Variants in LGALS9 observed in about 807,000 individuals in gnomAD.
The protein encoded by LGALS9 is galectin 9.
LGALS9 carries 26 observed loss-of-function variants against 35.9 expected under a neutral mutation model. The observed-to-expected ratio is 0.72, with a 90% CI of 0.53 to 1.01. The LOEUF is 1.01. Ranked by LOEUF, LGALS9 falls within the 50% of genes least tolerant of loss-of-function variation. The pLI, the probability that LGALS9 is intolerant of heterozygous loss-of-function variation, is 0.00. For missense variants in LGALS9, 347 were observed against 445.8 expected (o/e 0.78, Z 1.99); for synonymous variants, 149 against 172.2 (o/e 0.87, Z 1.06).
At chr17:27,640,375 G>T in intron 2 of LGALS9, 197 bp from the exon 3 acceptor site, 1 of 831,828 alleles carries the variant, frequency 1.2e-6, no homozygotes, top group Non-Finnish European at 1.9e-6. Flanking sequence ...TGCTGTAAAG[G>T]CAAAATCCAA....
Position 27,640,744 on chromosome 17 carries a change from T to A in LGALS9, c.304T>A (p.Cys102Ser). The A allele has an allele frequency of 6.2e-7, 1 of 1,614,190 alleles. No homozygotes were observed. The highest frequency in any genetic ancestry group is 8.5e-7 in the Non-Finnish European group (1 of 1,180,002). The change falls in exon 3 of 11, where the codon TGC (cysteine) becomes AGC (serine). Residue 102 changes from cysteine (C) to serine (S), a missense_variant. Cys to Ser is a moderately radical substitution (Grantham distance 112, BLOSUM62 -1). Coordinates refer to ENST00000395473, the MANE Select transcript of LGALS9 (RefSeq NM_009587.3). The part of the protein sequence containing the change: ...PFQKGMPFDL[C>S]FLVQSSDFKV... ...CCAGAAGGGGATGCCCTTTGACCTC[T>A]GCTTCCTGGTGCAGAGCTCAGATTT...
Position 27,642,042 on chromosome 17 carries a change from G to C in LGALS9, c.334-196G>C, listed in dbSNP as rs530228645. 2.0e-5 allele frequency among the ~76,000 whole-genome samples: 3 copies of C among 152,220 alleles called. No individual in the cohort carries two copies. In the South Asian group the frequency reaches 6.2e-4, roughly 32 times the overall value. On this transcript the variant is annotated intron_variant, in intron 3 of 10. Transcript: ENST00000395473. ...AACCTACTGCAGGAAACAACCAGAA[G>C]AACGAAAAGTCCAACTGGAGCCTGG...
At position 27,644,941 on chromosome 17, in the gene LGALS9, G is replaced by A. The variant is rs139885855; in HGVS notation, c.541-373G>A. The stretch of plus-strand genomic sequence containing the variant: ...GCTTCCCTTGTTGGAAAGCACTGAA[G>A]CCCAGGAATCGACCCACAATAGGCC... On this transcript the variant is annotated intron_variant, in intron 5 of 10. Coordinates refer to ENST00000395473, the MANE Select transcript of LGALS9 (RefSeq NM_009587.3). 1,342 of 215,368 alleles carry A rather than the reference G, an allele frequency of 6.2e-3. 11 individuals are homozygous for A. Among genetic ancestry groups the A allele is most frequent in the Admixed American group, 0.027 (471 of 17,476 alleles). The allele number at this position is 215,368 out of a possible 1,614,324, so 13.3% of individuals were successfully genotyped here.
chr17:27,636,559 T>G (rs190276035), intron 1 of LGALS9, among the ~76,000 whole-genome samples: 4 of 152,088 alleles, frequency 2.6e-5, no homozygotes, highest in Non-Finnish European at 4.4e-5. Flanking sequence ...AGCCTCCACC[T>G]CCCAGGCTCA....
Position 27,643,723 on chromosome 17 carries a change from C to T in LGALS9, c.540+103C>T, listed in dbSNP as rs539540628. The T allele has an allele frequency of 6.8e-6, 10 of 1,460,850 alleles. No homozygotes were observed. The Admixed American group carries it at 1.3e-4, about 20-fold the overall frequency. 90.5% of individuals were successfully genotyped at this position (1,460,850 alleles called of 1,614,324 possible). A position where few individuals can be genotyped will look rare whatever the true frequency, so the allele number is the denominator to read the frequency against. ...AGCAGGCCACTCAGGGCCTACAGGC[C>T]GCATCTTGCCCACCCAAGAGTTCCC... On this transcript the variant is annotated intron_variant, in intron 5 of 10. Coordinates refer to ENST00000395473, the MANE Select transcript of LGALS9 (RefSeq NM_009587.3).
Position 27,647,436 on chromosome 17 carries a change from AG to A in LGALS9, c.921+6del. The A allele has an allele frequency of 1.9e-6, 3 of 1,614,136 alleles. No homozygotes were observed. Among genetic ancestry groups the A allele is most frequent in the Non-Finnish European group, 2.5e-6 (3 of 1,180,004 alleles). ...CGTCCGTGGCCAGAGCTTCTCAGTA[AG>A]GCACCGCAGTCTGGAGCTTGGAGAG... On this transcript the variant is annotated splice_donor_5th_base_variant and intron_variant, in intron 10 of 10. Coordinates refer to ENST00000395473, the MANE Select transcript of LGALS9 (RefSeq NM_009587.3).
intron 3 of LGALS9, among the ~76,000 whole-genome samples, chr17:27,641,746 G>A (rs1208407480): frequency 6.6e-6 from 1 of 152,046 alleles, no homozygotes; most frequent in Non-Finnish European, 1.5e-5. Context: ...GGCTGAGGAG[G>A]GCGGATCGCT....
chr17:27,645,439 T>C lies in LGALS9; in HGVS notation c.576+90T>C, dbSNP rs1216679579. On this transcript the variant is annotated intron_variant, in intron 6 of 10. Coordinates refer to ENST00000395473, the MANE Select transcript of LGALS9 (RefSeq NM_009587.3). Reference sequence around the variant, plus strand: ...AGGGCCAGGCATTGGGCCTCTCCCATTGGGAGTGGGGAGGGCACAGACCAG... The same window carrying C: ...AGGGCCAGGCATTGGGCCTCTCCCACTGGGAGTGGGGAGGGCACAGACCAG... 68 of 1,514,054 alleles carry C rather than the reference T, an allele frequency of 4.5e-5. 1 individual carries two copies. Among genetic ancestry groups the C allele is most frequent in the Middle Eastern group, 3.6e-4 (2 of 5,600 alleles). 93.8% of individuals were successfully genotyped at this position (1,514,054 alleles called of 1,614,324 possible). A position where few individuals can be genotyped will look rare whatever the true frequency, so the allele number is the denominator to read the frequency against.
At chr17:27,637,146 G>T (rs2074461028) in intron 1 of LGALS9, among the ~76,000 whole-genome samples, 1 of 152,120 alleles carries the variant, frequency 6.6e-6, no homozygotes, top group South Asian at 2.1e-4. Flanking sequence ...GCGGGTTATA[G>T]AACGACATTG....
rs530352223 is a variant in LGALS9 at position 27,636,604 on chromosome 17, G to C, written c.40-1659G>C. ...CCCACCTCAGCCTCCCAAGTAACTA[G>C]AGTTAAAGGTGTGCACCACCACACC... On this transcript the variant is annotated intron_variant, in intron 1 of 10. Coordinates refer to ENST00000395473, the MANE Select transcript of LGALS9 (RefSeq NM_009587.3). 2.0e-5 allele frequency among the ~76,000 whole-genome samples: 3 copies of C among 152,110 alleles called. No homozygotes were observed. The East Asian group carries it at 5.8e-4, about 29-fold the overall frequency.
chr17:27,646,824 A>C (rs1904985858), intron 8 of LGALS9, among the ~76,000 whole-genome samples: 1 of 152,138 alleles, frequency 6.6e-6, no homozygotes, highest in African/African-American at 2.4e-5. Context: ...CCACGAAACG[A>C]GTCTTTTTGT....
At chr17:27,643,741 G>T in intron 5 of LGALS9, 121 bp downstream of exon 5, 2 of 1,432,860 alleles carry the variant, frequency 1.4e-6, no homozygotes, top group Admixed American at 5.6e-5. Flanking sequence ...GCCCACCCAA[G>T]AGTTCCCTGT....
chr17:27,639,803 C>T (rs1451375413), intron 2 of LGALS9, among the ~76,000 whole-genome samples: 1 of 152,172 alleles, frequency 6.6e-6, no homozygotes, highest in Non-Finnish European at 1.5e-5. Context: ...GTGGCGCTAT[C>T]TGGGCTCACT....
chr17:27,646,047 G>T (rs1435613724), intron 7 of LGALS9, 136 bp downstream of exon 7: 70 of 731,582 alleles, frequency 9.6e-5, no homozygotes, highest in Non-Finnish European at 1.4e-4. Context: ...TGAGTGCTTG[G>T]CTCAGGTGAC....
chr17:27,645,990 A>G, intron 7 of LGALS9, 79 bp downstream of exon 7: 1 of 1,605,118 alleles, frequency 6.2e-7, no homozygotes. Flanking sequence ...AGAGCCCTAG[A>G]GTCGGGAAGA....
intron 3 of LGALS9, chr17:27,641,095 C>T (rs1904458685): frequency 1.9e-6 from 1 of 525,178 alleles, no homozygotes; most frequent in Admixed American, 2.5e-5. Flanking sequence ...CTCTCCAGGT[C>T]ACTGGTAACA....
At chr17:27,639,026 GCTGCCTGCTGAACT>G (rs1376709403) in intron 2 of LGALS9, among the ~76,000 whole-genome samples, 16 of 152,134 alleles carry the variant, frequency 1.1e-4, no homozygotes, top group African/African-American at 3.9e-4. Flanking sequence ...ACCATGGGTG[GCTGCCTGCTGAACT>G]CTGCGGGGCC....
Position 27,640,694 on chromosome 17 carries a change from A to C in LGALS9, c.254A>C (p.Glu85Ala). 2.5e-6 allele frequency: 4 copies of C among 1,614,232 alleles called. No homozygotes were observed. The highest frequency in any genetic ancestry group is 3.4e-6 in the Non-Finnish European group (4 of 1,180,044). ...AGGCAGAACGGAAGCTGGGGGCCCG[A>C]GGAGAGGAAGACACACATGCCTTTC... Reference protein sequence around the residue: ...NTRQNGSWGPEERKTHMPFQK... With the variant: ...NTRQNGSWGPAERKTHMPFQK... Residue 85 changes from glutamate (E) to alanine (A), a missense_variant, in exon 3 of 11, where the codon GAG becomes GCG. Coordinates refer to ENST00000395473, the MANE Select transcript of LGALS9 (RefSeq NM_009587.3).
intron 1 of LGALS9, among the ~76,000 whole-genome samples, chr17:27,636,777 G>A (rs1039737279): frequency 6.6e-6 from 1 of 151,962 alleles, no homozygotes; most frequent in African/African-American, 2.4e-5. Flanking sequence ...CCAGCCAGGA[G>A]CTTTTACATA....
Sources: gnomAD v4.1 joint callset for allele counts (sites outside exome capture counted in the v4.1 genomes callset) on GRCh38, gnomAD v4.1.1 for gene constraint, MANE v1.5 for transcripts, NCBI Gene and HGNC (gene_info 2026-07-23, HGNC 2026-07-21) for gene names.